Variants in HECW1 observed in about 807,000 individuals in gnomAD.
The protein encoded by HECW1 is HECT, C2 and WW domain containing E3 ubiquitin protein ligase 1, also known as E3 ubiquitin-protein ligase HECW1.
HECW1 carries 61 observed loss-of-function variants against 182.3 expected under a neutral mutation model. The ratio of observed to expected loss-of-function variants is 0.33; its 90% confidence interval spans 0.27 to 0.41. HECW1 has a LOEUF of 0.41. HECW1 is among the 10% of genes least tolerant of loss of function. The pLI, the probability that HECW1 is intolerant of heterozygous loss-of-function variation, is 1.00. For synonymous variants in HECW1, 859 were observed against 832.6 expected (o/e 1.03, Z -0.55); for missense variants, 1,739 against 2,108.9 (o/e 0.82, Z 3.44).
chr7:43,538,954 G>A (rs2081272615), intron 24 of HECW1, among the ~76,000 whole-genome samples: 1 of 152,132 alleles, frequency 6.6e-6, no homozygotes, highest in African/African-American at 2.4e-5. Flanking sequence ...TTGTTCTATT[G>A]CTGGTTTACT....
In HECW1 at chr7:43,155,387, G is replaced by A. The variant is rs546729882; in HGVS notation, c.-32+40996G>A. On this transcript the variant is annotated intron_variant, in intron 2 of 29. Transcript: ENST00000395891. ...TTGGAGGGGAAAAAAGGAGACTTTG[G>A]GGACAAAAAAGGTTCATAACTCTTC... is the stretch of plus-strand genomic sequence containing the variant. Among the ~76,000 whole-genome samples, 540 of 152,032 alleles carry A rather than the reference G, an allele frequency of 3.6e-3. 3 individuals carry two copies. Among genetic ancestry groups the A allele is most frequent in the African/African-American group, 0.013 (525 of 41,482 alleles).
At chr7:43,299,457 C>T (rs549502958) in intron 3 of HECW1, among the ~76,000 whole-genome samples, 1 of 152,186 alleles carries the variant, frequency 6.6e-6, no homozygotes, top group South Asian at 2.1e-4. Context: ...AAATACTGTC[C>T]AAAATCCCAC....
chr7:43,171,538 A>G (rs1271124636), intron 2 of HECW1, among the ~76,000 whole-genome samples: 2 of 152,210 alleles, frequency 1.3e-5, no homozygotes, highest in Non-Finnish European at 2.9e-5. Context: ...CAGGAGCTCC[A>G]TGTTCGCAAA....
intron 5 of HECW1, among the ~76,000 whole-genome samples, chr7:43,340,469 C>T (rs573238887): frequency 1.5e-4 from 23 of 151,408 alleles, no homozygotes; most frequent in Admixed American, 4.6e-4. Flanking sequence ...GATCCACCCA[C>T]CTCAGCCTTC....
chr7:43,291,602 TA>T (rs1173938585), intron 3 of HECW1, among the ~76,000 whole-genome samples: 1 of 152,232 alleles, frequency 6.6e-6, no homozygotes, highest in Non-Finnish European at 1.5e-5. Context: ...AGTTAGTCTT[TA>T]AAAGAAACTA....
chr7:43,171,284 G>C (rs988601632), intron 2 of HECW1, among the ~76,000 whole-genome samples: 1 of 152,114 alleles, frequency 6.6e-6, no homozygotes, highest in African/African-American at 2.4e-5. Context: ...AAAGTTACTG[G>C]TGAAACACAG....
intron 3 of HECW1, among the ~76,000 whole-genome samples, chr7:43,279,571 C>T (rs1368085551): frequency 6.6e-6 from 1 of 152,102 alleles, no homozygotes; most frequent in Non-Finnish European, 1.5e-5. Flanking sequence ...TGGGAATTCC[C>T]ATCTTCATAC....
chr7:43,560,666 T>C (rs1160591600), intron 29 of HECW1, among the ~76,000 whole-genome samples: 1 of 152,204 alleles, frequency 6.6e-6, no homozygotes, highest in Non-Finnish European at 1.5e-5. Context: ...AGTGATCTGA[T>C]ACTCTGATTT....
chr7:43,309,899 C>G (rs1201790957), intron 3 of HECW1, among the ~76,000 whole-genome samples: 1 of 152,124 alleles, frequency 6.6e-6, no homozygotes, highest in East Asian at 1.9e-4. Flanking sequence ...AATATCTTAG[C>G]AAGAGATTTT....
chr7:43,536,877 C>T (rs2081195418), intron 24 of HECW1, among the ~76,000 whole-genome samples: 1 of 152,208 alleles, frequency 6.6e-6, no homozygotes, highest in Non-Finnish European at 1.5e-5. Flanking sequence ...GGAGCCACTC[C>T]CTCCTGGCAA....
chr7:43,561,832 A>G lies in HECW1; in HGVS notation c.4727A>G (p.Asn1576Ser). The change falls in exon 30 of 30, where the codon AAC (asparagine) becomes AGC (serine). Residue 1576 changes from asparagine (N) to serine (S), a missense_variant. By Grantham distance (46) the Asn-to-Ser change is conservative (BLOSUM62 1). Transcript: ENST00000395891. ...TSLPRAHTCF[N>S]RLDLPPYPSY... ...CCATTCAGGGCACACACATGCTTCA[A>G]CCGACTGGATCTTCCACCGTATCCC... The G allele has an allele frequency of 6.2e-7, 1 of 1,613,484 alleles. No individual in the cohort carries two copies. Among genetic ancestry groups the G allele is most frequent in the Non-Finnish European group, 8.5e-7 (1 of 1,179,424 alleles).
chr7:43,328,855 G>A (rs1811120590), intron 5 of HECW1, among the ~76,000 whole-genome samples: 1 of 152,274 alleles, frequency 6.6e-6, no homozygotes, highest in African/African-American at 2.4e-5. Context: ...TTAACCCAAA[G>A]TCACACTTTT....
chr7:43,405,196 A>G (rs1230582558), intron 7 of HECW1, among the ~76,000 whole-genome samples: 5 of 152,184 alleles, frequency 3.3e-5, no homozygotes, highest in Admixed American at 1.3e-4. Flanking sequence ...AGTAGATAAC[A>G]AATAAATAGT....
At chr7:43,187,192 G>A (rs765985618) in intron 2 of HECW1, among the ~76,000 whole-genome samples, 1 of 152,232 alleles carries the variant, frequency 6.6e-6, no homozygotes, top group Non-Finnish European at 1.5e-5. Flanking sequence ...TCACAACATG[G>A]CAGATGCCTC....
chr7:43,183,746 T>C (rs1793091016), intron 2 of HECW1, among the ~76,000 whole-genome samples: 1 of 152,232 alleles, frequency 6.6e-6, no homozygotes, highest in Non-Finnish European at 1.5e-5. Context: ...TGTTTGATAC[T>C]TTCATTTATC....
At chr7:43,408,481 A>G (rs1268266737) in intron 8 of HECW1, among the ~76,000 whole-genome samples, 1 of 151,742 alleles carries the variant, frequency 6.6e-6, no homozygotes, top group Non-Finnish European at 1.5e-5. Context: ...CCAGAAGTTC[A>G]AGACCAGCCT....
At chr7:43,385,615 C>G (rs1406030363) in intron 6 of HECW1, among the ~76,000 whole-genome samples, 2 of 151,952 alleles carry the variant, frequency 1.3e-5, no homozygotes, top group African/African-American at 4.8e-5. Context: ...CCCTTGCTAA[C>G]AGAAGAGCAA....
intron 2 of HECW1, among the ~76,000 whole-genome samples, chr7:43,134,356 T>C (rs1787288170): frequency 7.8e-6 from 1 of 127,400 alleles, no homozygotes; most frequent in African/African-American, 3.0e-5. Flanking sequence ...ATTGCACCAT[T>C]GCACTCCAGT....
chr7:43,208,836 C>A (rs77908457), intron 2 of HECW1, among the ~76,000 whole-genome samples: 4,110 of 152,142 alleles, frequency 0.027, 142 homozygotes, highest in African/African-American at 0.073. Flanking sequence ...AGCATGGAAC[C>A]GGAGGTCTGG....
Sources: allele counts gnomAD v4.1 joint callset (sites outside exome capture counted in the v4.1 genomes callset), GRCh38; gene constraint gnomAD v4.1.1; transcripts MANE v1.5; gene names NCBI Gene and HGNC (gene_info 2026-07-23, HGNC 2026-07-21).